CACNB4: variants seen among roughly 807,000 people sequenced by gnomAD.
CACNB4 encodes voltage-dependent L-type calcium channel subunit beta-4.
Under a neutral mutation model 71.2 loss-of-function variants are expected in CACNB4, and 32 were observed. The observed-to-expected ratio is 0.45, with a 90% CI of 0.34 to 0.60. CACNB4 has a LOEUF of 0.60. Ranked by LOEUF, CACNB4 falls within the 20% of genes least tolerant of loss-of-function variation. CACNB4 has a pLI of 0.01. For synonymous variants in CACNB4, 231 were observed against 236.9 expected, an observed-to-expected ratio of 0.97 and a Z score of 0.23; for missense variants, 464 against 647.9, an observed-to-expected ratio of 0.72 and a Z score of 3.08.
intron 9 of CACNB4, chr2:151,861,397 T>A (rs1382196956): frequency 6.6e-6 from 1 of 152,354 alleles, no homozygotes; most frequent in Non-Finnish European, 1.5e-5. Flanking sequence ...AAAATGGTTT[T>A]ATTTTTTCTG....
intron 2 of CACNB4, among the ~76,000 whole-genome samples, chr2:151,920,289 G>A (rs578227350): frequency 7.1e-6 from 1 of 141,098 alleles, no homozygotes; most frequent in African/African-American, 2.6e-5. Flanking sequence ...TACTTTACCA[G>A]TCTAGAGTCT....
intron 2 of CACNB4, among the ~76,000 whole-genome samples, chr2:152,027,916 T>C (rs1314685147): frequency 1.4e-5 from 2 of 147,018 alleles, no homozygotes; most frequent in East Asian, 2.1e-4. Flanking sequence ...AGCCATTTTC[T>C]AACCTGCCTG....
intron 2 of CACNB4, among the ~76,000 whole-genome samples, chr2:151,894,093 C>G (rs2099851413): frequency 6.6e-6 from 1 of 152,142 alleles, no homozygotes; most frequent in Non-Finnish European, 1.5e-5. Flanking sequence ...CTTAGGAGTT[C>G]AAGGCTGTAG....
chr2:151,946,448 T>TA (rs1320724007), intron 2 of CACNB4, among the ~76,000 whole-genome samples: 1 of 152,084 alleles, frequency 6.6e-6, no homozygotes, highest in Non-Finnish European at 1.5e-5. Flanking sequence ...CTAGTCACCC[T>TA]AAGGGGCCTC....
chr2:152,065,180 C>T (rs1031039265), intron 2 of CACNB4, among the ~76,000 whole-genome samples: 18 of 152,062 alleles, frequency 1.2e-4, no homozygotes, highest in Admixed American at 1.3e-4. Flanking sequence ...GTCAGGAGTT[C>T]GATACCAGCC....
At chr2:152,039,341 G>A (rs1026747302) in intron 2 of CACNB4, among the ~76,000 whole-genome samples, 1 of 151,880 alleles carries the variant, frequency 6.6e-6, no homozygotes, top group Non-Finnish European at 1.5e-5. Flanking sequence ...GCTTGAACCC[G>A]GGAGGCGGAG....
chr2:151,892,467 C>T (rs1210265960), intron 2 of CACNB4, among the ~76,000 whole-genome samples: 2 of 152,048 alleles, frequency 1.3e-5, no homozygotes, highest in South Asian at 2.1e-4. Flanking sequence ...ACTTGAGCCT[C>T]GCCCATGTCA....
At chr2:152,017,845 T>C (rs948521913) in intron 2 of CACNB4, among the ~76,000 whole-genome samples, 16 of 150,988 alleles carry the variant, frequency 1.1e-4, no homozygotes, top group African/African-American at 2.9e-4. Context: ...ATTCTTTTCT[T>C]TTTTTTTTAT....
intron 2 of CACNB4, among the ~76,000 whole-genome samples, chr2:152,076,633 A>G (rs984235889): frequency 2.0e-5 from 3 of 152,154 alleles, no homozygotes; most frequent in Non-Finnish European, 4.4e-5. Flanking sequence ...ACGTATTAAA[A>G]GATATCTTAA....
At chr2:151,850,672 GAT>G (rs1399426889) in intron 12 of CACNB4, 1 of 152,168 alleles carries the variant, frequency 6.6e-6, no homozygotes, top group Non-Finnish European at 1.5e-5. Context: ...TGGAAAAGCA[GAT>G]CTGCAGTCAC....
At chr2:151,881,877 A>ATTT (rs2099847955) in intron 3 of CACNB4, among the ~76,000 whole-genome samples, 1 of 134,528 alleles carries the variant, frequency 7.4e-6, no homozygotes, top group South Asian at 3.0e-4. Flanking sequence ...TTCTCCTCCC[A>ATTT]TCTTTTTTTT....
chr2:152,096,656 C>T (rs1579291218), intron 2 of CACNB4, among the ~76,000 whole-genome samples: 1 of 151,992 alleles, frequency 6.6e-6, no homozygotes, highest in Admixed American at 6.6e-5. Context: ...TAAATTATTC[C>T]CAAAATTATT....
chr2:152,068,168 A>G (rs1434719178), intron 2 of CACNB4, among the ~76,000 whole-genome samples: 1 of 152,140 alleles, frequency 6.6e-6, no homozygotes, highest in Non-Finnish European at 1.5e-5. Flanking sequence ...AAGACCTGGA[A>G]TCAGGGCATC....
chr2:151,894,909 ATAG>A (rs1387984877), intron 2 of CACNB4, among the ~76,000 whole-genome samples: 1 of 152,126 alleles, frequency 6.6e-6, no homozygotes, highest in Non-Finnish European at 1.5e-5. Flanking sequence ...GATGAAAGAA[ATAG>A]AAGAAAACAC....
chr2:151,989,945 C>T (rs986350841), intron 2 of CACNB4, among the ~76,000 whole-genome samples: 3 of 152,188 alleles, frequency 2.0e-5, no homozygotes. Context: ...CCCCTAACAA[C>T]TTTTGAACCT....
At chr2:152,031,354 C>G (rs182489034) in intron 2 of CACNB4, among the ~76,000 whole-genome samples, 23 of 152,270 alleles carry the variant, frequency 1.5e-4, no homozygotes, top group African/African-American at 5.3e-4. Context: ...ATTTAAATTG[C>G]AGTTACGTGT....
intron 2 of CACNB4, among the ~76,000 whole-genome samples, chr2:151,907,995 C>A (rs1238194031): frequency 2.0e-5 from 3 of 152,166 alleles, no homozygotes; most frequent in African/African-American, 7.2e-5. Context: ...ATTGAAAGTT[C>A]TCAAATATTC....
chr2:151,953,581 G>A (rs969268362), intron 2 of CACNB4, among the ~76,000 whole-genome samples: 5 of 152,180 alleles, frequency 3.3e-5, no homozygotes, highest in Admixed American at 6.5e-5. Flanking sequence ...AATTTGTGTG[G>A]AGCACAATTG....
intron 2 of CACNB4, among the ~76,000 whole-genome samples, chr2:151,995,145 G>A (rs1170657573): frequency 1.3e-5 from 2 of 152,120 alleles, no homozygotes; most frequent in Non-Finnish European, 2.9e-5. Flanking sequence ...CAAAAAGGTT[G>A]CAAGCATAAA....
Sources: gnomAD v4.1 joint callset for allele counts (sites outside exome capture counted in the v4.1 genomes callset) on GRCh38, gnomAD v4.1.1 for gene constraint, MANE v1.5 for transcripts, NCBI Gene and HGNC (gene_info 2026-07-23, HGNC 2026-07-21) for gene names.